The following GSPT2 variants were observed in gnomAD, a reference collection of about 807,000 sequenced individuals.
GSPT2 encodes the protein G1 to S phase transition 2.
GSPT2 carries 2 observed loss-of-function variants against 24.6 expected under a neutral mutation model. That is an observed-to-expected ratio of 0.08 (90% CI 0.03 to 0.26). GSPT2 has a LOEUF of 0.26. Among genes scored for constraint, GSPT2 ranks in the 10% least tolerant of loss-of-function variants. The pLI, the probability that GSPT2 is intolerant of heterozygous loss-of-function variation, is 1.00. For synonymous variants in GSPT2, 194 were observed against 189.3 expected, an observed-to-expected ratio of 1.02 and a Z score of -0.20; for missense variants, 322 against 489.6, an observed-to-expected ratio of 0.66 and a Z score of 3.23.
Position 51,743,922 on chromosome X carries a change from C to T in GSPT2, c.296C>T (p.Pro99Leu). The T allele has an allele frequency of 8.3e-7, 1 of 1,206,367 alleles. No individual in the cohort carries two copies. Among genetic ancestry groups the T allele is most frequent in the Non-Finnish European group, 1.1e-6 (1 of 892,748 alleles). The change falls in exon 1 of 1, where the codon CCT becomes CTT. Residue 99 changes from proline (P) to leucine (L), a missense_variant. Physicochemically the swap from Pro to Leu is moderately conservative, Grantham distance 98. Transcript: ENST00000340438. ...GAAACCTGCACCGGCGCGGGATACC[C>T]TCAAGGTAAAAGGATGGGACGGGGG... Reference protein sequence around the residue: ...NDETCTGAGYPQGKRMGRGAP... With the variant: ...NDETCTGAGYLQGKRMGRGAP...
Position 51,743,452 on chromosome X carries a change from C to T in GSPT2, c.-175C>T, listed in dbSNP as rs1923931491. On this transcript the variant is annotated 5_prime_UTR_variant, in exon 1 of 1. Coordinates refer to ENST00000340438, the MANE Select transcript of GSPT2 (RefSeq NM_018094.5). ...GAGTGTTGAGCCGCCATATCTGCTG[C>T]TGCCGCCGCAGTTGCGAATGCAGCA... 4.8e-6 allele frequency: 2 copies of T among 420,132 alleles called. No homozygotes were observed. Among genetic ancestry groups the T allele is most frequent in the African/African-American group, 2.5e-5 (1 of 39,522 alleles). The allele number at this position is 420,132 out of a possible 1,213,427, so 34.6% of individuals were successfully genotyped here.
rs782138997 is a variant in GSPT2, at chrX:51,743,714, G to A, written c.88G>A (p.Asp30Asn). The A allele has an allele frequency of 2.5e-6, 3 of 1,209,253 alleles. No homozygotes were observed. The highest frequency in any genetic ancestry group is 3.4e-6 in the Non-Finnish European group (3 of 894,576). ...MESPGSAPSG[D>N]GVSSAVAEAQ... ...ATCCCCGGGGTCGGCCCCGAGCGGGGATGGAGTCTCCTCTGCGGTGGCCGA... is the reference window on the plus strand; with the variant it reads ...ATCCCCGGGGTCGGCCCCGAGCGGGAATGGAGTCTCCTCTGCGGTGGCCGA... Residue 30 changes from aspartate (D) to asparagine (N), a missense_variant, in exon 1 of 1, where the codon GAT becomes AAT. Asp to Asn is a conservative substitution (Grantham distance 23). This residue lies in a region of GSPT2 where 125 missense variants were observed against 121.3 expected (regional missense o/e 1.03). Transcript: ENST00000340438.
Position 51,744,236 on chromosome X carries a change from G to T in GSPT2, c.610G>T (p.Val204Leu). The change falls in exon 1 of 1, where the codon GTA (valine) becomes TTA (leucine). Residue 204 changes from valine (V) to leucine (L), a missense_variant. This residue lies in a region of GSPT2 where 72 missense variants were observed against 121.5 expected (regional missense o/e 0.59). Coordinates refer to ENST00000340438, the MANE Select transcript of GSPT2 (RefSeq NM_018094.5). The part of the protein sequence containing the change: ...VPSGAPKKEH[V>L]NVVFIGHVDA... Reference sequence around the variant, plus strand: ...CTCAGGTGCACCTAAGAAAGAACACGTAAATGTAGTATTCATTGGCCATGT... The same window carrying T: ...CTCAGGTGCACCTAAGAAAGAACACTTAAATGTAGTATTCATTGGCCATGT... 8.3e-7 allele frequency: 1 copy of T among 1,209,453 alleles called. No individual in the cohort carries two copies. Among genetic ancestry groups the T allele is most frequent in the Non-Finnish European group, 1.1e-6 (1 of 893,734 alleles).
rs1348548568 is a variant in GSPT2 at position 51,743,482 on chromosome X, C to A, written c.-145C>A. On this transcript the variant is annotated 5_prime_UTR_variant, in exon 1 of 1. Transcript: ENST00000340438. Reference sequence around the variant, plus strand: ...GCCGCAGTTGCGAATGCAGCATCGGCGCTTAGCTGCCTCCGCGGTGCAGCT... The same window carrying A: ...GCCGCAGTTGCGAATGCAGCATCGGAGCTTAGCTGCCTCCGCGGTGCAGCT... 3 of 460,480 alleles carry A rather than the reference C, an allele frequency of 6.5e-6. No homozygotes were observed. The highest frequency in any genetic ancestry group is 1.1e-5 in the Non-Finnish European group (3 of 279,306). The allele number at this position is 460,480 out of a possible 1,213,427, so 37.9% of individuals were successfully genotyped here.
At position 51,745,566 on chromosome X, in the gene GSPT2, G is replaced by A. The variant is rs782009018; in HGVS notation, c.*53G>A. 8.1e-5 allele frequency: 61 copies of A among 757,605 alleles called. No homozygotes were observed. The South Asian group carries it at 1.3e-3, about 17-fold the overall frequency. The allele number at this position is 757,605 out of a possible 1,213,427, so 62.4% of individuals were successfully genotyped here. On this transcript the variant is annotated 3_prime_UTR_variant, in exon 1 of 1. Transcript: ENST00000340438. ...ACTGTGAGGAGAATTGACAGCAAAA[G>A]TTCACCACCTACTCTTATTTACTGC...
In GSPT2 at chrX:51,745,806, C is replaced by T. The variant is rs190900647; in HGVS notation, c.*293C>T. ...CCTACAGTAATGAAAAATTAATGTACTTTAATTTTTCATTTTCTTTTAGGA... is the reference window on the plus strand; with the variant it reads ...CCTACAGTAATGAAAAATTAATGTATTTTAATTTTTCATTTTCTTTTAGGA... On this transcript the variant is annotated 3_prime_UTR_variant, in exon 1 of 1. Transcript: ENST00000340438. 1.5e-5 allele frequency: 4 copies of T among 267,098 alleles called. No homozygotes were observed. In the East Asian group the frequency reaches 2.9e-4, roughly 19 times the overall value. The allele number at this position is 267,098 out of a possible 1,213,427, so 22.0% of individuals were successfully genotyped here. A position where few individuals can be genotyped will look rare whatever the true frequency, so the allele number is the denominator to read the frequency against.
rs782138997 is a variant in GSPT2, at chrX:51,743,714, G to C, written c.88G>C (p.Asp30His). 1 of 1,210,796 alleles carries C rather than the reference G, an allele frequency of 8.3e-7. No individual in the cohort carries two copies. Among genetic ancestry groups the C allele is most frequent in the Admixed American group, 2.2e-5 (1 of 46,125 alleles). The change falls in exon 1 of 1, where the codon GAT (aspartate) becomes CAT (histidine). Residue 30 changes from aspartate to histidine, a missense_variant. By Grantham distance (81) the Asp-to-His change is moderately conservative (BLOSUM62 -1). Transcript: ENST00000340438. ...MESPGSAPSG[D>H]GVSSAVAEAQ... ...ATCCCCGGGGTCGGCCCCGAGCGGG[G>C]ATGGAGTCTCCTCTGCGGTGGCCGA...
Position 51,743,859 on chromosome X carries a change from A to T in GSPT2, c.233A>T (p.Gln78Leu), listed in dbSNP as rs781838356. 8.3e-7 allele frequency: 1 copy of T among 1,207,553 alleles called. No homozygotes were observed. The highest frequency in any genetic ancestry group is 2.2e-5 in the Admixed American group (1 of 45,760). The change falls in exon 1 of 1, where the codon CAG (glutamine) becomes CTG (leucine). Residue 78 changes from glutamine (Q) to leucine (L), a missense_variant. Physicochemically the swap from Gln to Leu is moderately radical, Grantham distance 113. This residue lies in a region of GSPT2 where 125 missense variants were observed against 121.3 expected (regional missense o/e 1.03). Coordinates refer to ENST00000340438, the MANE Select transcript of GSPT2 (RefSeq NM_018094.5). The stretch of plus-strand genomic sequence containing the variant: ...CCGTCCTTCCTGCGGGGCCCGACTC[A>T]GCCGCCCACCCTCCCGGCCGGCTCC... ...FVPSFLRGPT[Q>L]PPTLPAGSGS...
rs1188548038 is a variant in GSPT2 at position 51,743,500 on chromosome X, G to T, written c.-127G>T. 2 of 530,661 alleles carry T rather than the reference G, an allele frequency of 3.8e-6. No homozygotes were observed. The highest frequency in any genetic ancestry group is 4.8e-5 in the African/African-American group (2 of 42,095). 43.7% of individuals were successfully genotyped at this position (530,661 alleles called of 1,213,427 possible). A position where few individuals can be genotyped will look rare whatever the true frequency, so the allele number is the denominator to read the frequency against. On this transcript the variant is annotated 5_prime_UTR_variant, in exon 1 of 1. Transcript: ENST00000340438. Reference sequence around the variant, plus strand: ...GCATCGGCGCTTAGCTGCCTCCGCGGTGCAGCTAAGGTTCGTGTCGCTACC... The same window carrying T: ...GCATCGGCGCTTAGCTGCCTCCGCGTTGCAGCTAAGGTTCGTGTCGCTACC...
chrX:51,745,695 T>G lies in GSPT2; in HGVS notation c.*182T>G. ...TGAGATCTGTTATGTCACTGATGAA[T>G]TTACCCTCAAGTTTCCTTCCTCTGT... On this transcript the variant is annotated 3_prime_UTR_variant, in exon 1 of 1. Coordinates refer to ENST00000340438, the MANE Select transcript of GSPT2 (RefSeq NM_018094.5). 1 of 444,314 alleles carries G rather than the reference T, an allele frequency of 2.3e-6. No homozygotes were observed. The highest frequency in any genetic ancestry group is 4.0e-6 in the Non-Finnish European group (1 of 251,262). The allele number at this position is 444,314 out of a possible 1,213,427, so 36.6% of individuals were successfully genotyped here. A position where few individuals can be genotyped will look rare whatever the true frequency, so the allele number is the denominator to read the frequency against.
rs782769221 is a variant in GSPT2 at position 51,744,136 on chromosome X, G to A, written c.510G>A (p.Gly170=). Reference sequence around the variant, plus strand: ...GGGGTGGTTCCTCGGGAGATTCAGGGCCCCCAGAAGAAAGTGGCCAGGAAA... The same window carrying A: ...GGGGTGGTTCCTCGGGAGATTCAGGACCCCCAGAAGAAAGTGGCCAGGAAA... ...EPGGGSSGDS[G]PPEESGQEMM... The change falls in exon 1 of 1, where the codon GGG becomes GGA. Residue 170 remains glycine, a synonymous_variant. Transcript: ENST00000340438. 1.7e-5 allele frequency: 20 copies of A among 1,207,619 alleles called. No individual in the cohort carries two copies. The East Asian group carries it at 5.6e-4, about 34-fold the overall frequency.
rs1294973553 is a variant in GSPT2 at position 51,745,602 on chromosome X, A to G, written c.*89A>G. 1.7e-6 allele frequency: 1 copy of G among 575,331 alleles called. No individual in the cohort carries two copies. The highest frequency in any genetic ancestry group is 2.3e-5 in the African/African-American group (1 of 43,400). 47.4% of individuals were successfully genotyped at this position (575,331 alleles called of 1,213,427 possible). A position where few individuals can be genotyped will look rare whatever the true frequency, so the allele number is the denominator to read the frequency against. On this transcript the variant is annotated 3_prime_UTR_variant, in exon 1 of 1. Coordinates refer to ENST00000340438, the MANE Select transcript of GSPT2 (RefSeq NM_018094.5). ...ACTCTTATTTACTGCCCATTGATTGACTTTTCTTCATATTTTGCAAAGAGA... is the reference window on the plus strand; with the variant it reads ...ACTCTTATTTACTGCCCATTGATTGGCTTTTCTTCATATTTTGCAAAGAGA...
rs373690468 is a variant in GSPT2 at position 51,744,929 on chromosome X, A to G, written c.1303A>G (p.Ile435Val). 7 of 1,205,392 alleles carry G rather than the reference A, an allele frequency of 5.8e-6. No individual in the cohort carries two copies. Among genetic ancestry groups the G allele is most frequent in the East Asian group, 5.9e-5 (2 of 33,741 alleles). Residue 435 changes from isoleucine (I) to valine (V), a missense_variant, in exon 1 of 1, where the codon ATT (isoleucine) becomes GTT (valine). This residue lies in a region of GSPT2 where 117 missense variants were observed against 204.1 expected (regional missense o/e 0.57). Coordinates refer to ENST00000340438, the MANE Select transcript of GSPT2 (RefSeq NM_018094.5). The part of the protein sequence containing the change: ...RSIDGPIRLP[I>V]VDKYKDMGTV... ...AATTGATGGACCAATAAGACTGCCA[A>G]TTGTGGATAAGTACAAAGATATGGG...
rs1047039680 is a variant in GSPT2, at chrX:51,744,132, C to T, written c.506C>T (p.Ser169Leu). Residue 169 changes from serine (S) to leucine (L), a missense_variant, in exon 1 of 1, where the codon TCA becomes TTA. Physicochemically the swap from Ser to Leu is moderately radical, Grantham distance 145 (BLOSUM62 -2). This residue lies in a region of GSPT2 where 72 missense variants were observed against 121.5 expected (regional missense o/e 0.59). Transcript: ENST00000340438. Reference protein sequence around the residue: ...AEPGGGSSGDSGPPEESGQEM... With the variant: ...AEPGGGSSGDLGPPEESGQEM... Reference sequence around the variant, plus strand: ...CCTGGGGGTGGTTCCTCGGGAGATTCAGGGCCCCCAGAAGAAAGTGGCCAG... The same window carrying T: ...CCTGGGGGTGGTTCCTCGGGAGATTTAGGGCCCCCAGAAGAAAGTGGCCAG... 8.3e-7 allele frequency: 1 copy of T among 1,209,320 alleles called. No individual in the cohort carries two copies. The highest frequency in any genetic ancestry group is 1.1e-6 in the Non-Finnish European group (1 of 894,251).
chrX:51,745,099 CA>C lies in GSPT2; in HGVS notation c.1477del (p.Ile493SerfsTer3). On this transcript the variant is annotated frameshift_variant, in exon 1 of 1. Coordinates refer to ENST00000340438, the MANE Select transcript of GSPT2 (RefSeq NM_018094.5). LOFTEE classifies it high-confidence loss of function. ...TDFVAPGENL[K>X]IRLKGIEEEE... ...ATTTTGTAGCCCCAGGTGAAAACCT[CA>C]AAATCAGACTGAAGGGAATTGAAGA... 1 of 1,209,765 alleles carries C rather than the reference CA, an allele frequency of 8.3e-7. No homozygotes were observed. Among genetic ancestry groups the C allele is most frequent in the Non-Finnish European group, 1.1e-6 (1 of 893,815 alleles).
chrX:51,743,636 GGCA>G lies in GSPT2; in HGVS notation c.22_24del (p.Ser8del), dbSNP rs781905873. ...AGCAAGTTCCGAGACCATGGATTCG[GGCA>G]GCAGCAGCAGCGACTCGGCGCCCGA... On this transcript the variant is annotated inframe_deletion, in exon 1 of 1. Coordinates refer to ENST00000340438, the MANE Select transcript of GSPT2 (RefSeq NM_018094.5). 7 of 1,195,544 alleles carry G rather than the reference GGCA, an allele frequency of 5.9e-6. No homozygotes were observed. Among genetic ancestry groups the G allele is most frequent in the Admixed American group, 4.5e-5 (2 of 44,712 alleles).
chrX:51,744,695 A>G lies in GSPT2; in HGVS notation c.1069A>G (p.Asn357Asp), dbSNP rs782083206. The G allele has an allele frequency of 8.3e-7, 1 of 1,209,030 alleles. No homozygotes were observed. Among genetic ancestry groups the G allele is most frequent in the Non-Finnish European group, 1.1e-6 (1 of 892,924 alleles). ...TAATAAGATGGATGATCCCACAGTA[A>G]ATTGGAGCATCGAGAGATATGAAGA... ...LINKMDDPTV[N>D]WSIERYEECK... The change falls in exon 1 of 1, where the codon AAT becomes GAT. Residue 357 changes from asparagine to aspartate, a missense_variant. Around this residue, in one of 4 missense-constraint regions of GSPT2, gnomAD observed 117 missense variants for 204.1 expected, o/e 0.57. Transcript: ENST00000340438.
In GSPT2 at chrX:51,743,737, C is replaced by G. The variant is rs782608460; in HGVS notation, c.111C>G (p.Ala37=). 8.3e-7 allele frequency: 1 copy of G among 1,209,242 alleles called. No individual in the cohort carries two copies. Among genetic ancestry groups the G allele is most frequent in the Non-Finnish European group, 1.1e-6 (1 of 894,519 alleles). ...PSGDGVSSAV[A]EAQREPLSSA... ...GGGATGGAGTCTCCTCTGCGGTGGC[C>G]GAGGCCCAGCGCGAGCCCCTCAGCT... The change falls in exon 1 of 1, where the codon GCC becomes GCG. Residue 37 remains alanine (A), a synonymous_variant. Coordinates refer to ENST00000340438, the MANE Select transcript of GSPT2 (RefSeq NM_018094.5).
rs782713927 is a variant in GSPT2 at position 51,744,707 on chromosome X, G to A, written c.1081G>A (p.Glu361Lys). Residue 361 changes from glutamate to lysine, a missense_variant, in exon 1 of 1, where the codon GAG becomes AAG. By Grantham distance (56) the Glu-to-Lys change is moderately conservative. Coordinates refer to ENST00000340438, the MANE Select transcript of GSPT2 (RefSeq NM_018094.5). Reference protein sequence around the residue: ...MDDPTVNWSIERYEECKEKLV... With the variant: ...MDDPTVNWSIKRYEECKEKLV... ...TGATCCCACAGTAAATTGGAGCATC[G>A]AGAGATATGAAGAATGTAAAGAAAA... 5 of 1,209,390 alleles carry A rather than the reference G, an allele frequency of 4.1e-6. No homozygotes were observed. The highest frequency in any genetic ancestry group is 3.4e-6 in the Non-Finnish European group (3 of 893,416).
Sources: gnomAD v4.1 joint callset for allele counts on GRCh38, gnomAD v4.1.1 for gene constraint, gnomAD v4.1.1 regional missense constraint, MANE v1.5 for transcripts, NCBI Gene and HGNC (gene_info 2026-07-23, HGNC 2026-07-21) for gene names.